DGKI: variants seen among roughly 807,000 people sequenced by gnomAD.
DGKI encodes the protein diacylglycerol kinase iota, also known as DAG kinase iota.
DGKI carries 55 observed loss-of-function variants against 147.5 expected under a neutral mutation model. The ratio of observed to expected loss-of-function variants is 0.37; its 90% CI spans 0.30 to 0.47. The LOEUF is 0.47. DGKI is among the 20% of genes least tolerant of loss of function. DGKI has a pLI of 1.00. For missense variants in DGKI, 1,007 were observed against 1,323.8 expected (o/e 0.76, Z 3.71); for synonymous variants, 469 against 477.1 (o/e 0.98, Z 0.22).
At chr7:137,741,883 T>C (rs1251833230) in intron 1 of DGKI, among the ~76,000 whole-genome samples, 1 of 152,196 alleles carries the variant, frequency 6.6e-6, no homozygotes, top group Non-Finnish European at 1.5e-5. Flanking sequence ...GGCTGCTTTC[T>C]AGTAATGAAG....
chr7:137,682,184 C>G (rs270894), intron 2 of DGKI, among the ~76,000 whole-genome samples: 75,186 of 151,926 alleles, frequency 0.49, 22,132 homozygotes, highest in African/African-American at 0.83. Context: ...TGTCAGAAGA[C>G]AGGGTAGTCT....
At chr7:137,540,400 G>A (rs1478897567) in intron 20 of DGKI, among the ~76,000 whole-genome samples, 1 of 152,160 alleles carries the variant, frequency 6.6e-6, no homozygotes, top group Non-Finnish European at 1.5e-5. Flanking sequence ...AGGAATAAAA[G>A]TATCCTTATT....
chr7:137,723,638 TGAA>T (rs1407093804), intron 1 of DGKI, among the ~76,000 whole-genome samples: 1 of 150,202 alleles, frequency 6.7e-6, no homozygotes, highest in African/African-American at 2.5e-5. Flanking sequence ...ACAGCAGTGA[TGAA>T]GAACAAGATC....
intron 1 of DGKI, among the ~76,000 whole-genome samples, chr7:137,825,023 T>C (rs954499364): frequency 8.5e-5 from 13 of 152,196 alleles, no homozygotes; most frequent in African/African-American, 3.1e-4. Context: ...TGAACATATG[T>C]ATGCATGTGT....
chr7:137,726,804 T>C (rs1471251476), intron 1 of DGKI, among the ~76,000 whole-genome samples: 10 of 152,208 alleles, frequency 6.6e-5, no homozygotes, highest in Admixed American at 2.6e-4. Context: ...CTATTGATTA[T>C]ACAGATTTGT....
At chr7:137,769,169 G>A (rs1258117443) in intron 1 of DGKI, among the ~76,000 whole-genome samples, 1 of 152,164 alleles carries the variant, frequency 6.6e-6, no homozygotes, top group Non-Finnish European at 1.5e-5. Flanking sequence ...ACACCCAAGG[G>A]AGACACGGGA....
Position 137,730,025 on chromosome 7 carries a change from C to A in DGKI, c.402-40023G>T, listed in dbSNP as rs1474226032. ...TGAGTTTGAAATGAGATACAGGGCA[C>A]AATGCAGACCAAGTTTTTCTCTATG... On this transcript the variant is annotated intron_variant, in intron 1 of 32. Transcript: ENST00000614521. Among the ~76,000 whole-genome samples the A allele has an allele frequency of 1.4e-4, 22 of 152,128 alleles. 1 individual carries two copies. Among genetic ancestry groups the A allele is most frequent in the Admixed American group, 1.4e-3 (22 of 15,272 alleles).
intron 3 of DGKI, among the ~76,000 whole-genome samples, chr7:137,656,951 T>A (rs1822248400): frequency 6.6e-6 from 1 of 152,196 alleles, no homozygotes; most frequent in African/African-American, 2.4e-5. Flanking sequence ...AAGACCAACA[T>A]CCAAACTCAG....
At position 137,382,463 on chromosome 7, in the gene DGKI, GT is replaced by G. The variant is rs1193245166; in HGVS notation, c.*8756del. On this transcript the variant is annotated 3_prime_UTR_variant, in exon 33 of 33. Coordinates refer to ENST00000614521, the MANE Select transcript of DGKI (RefSeq NM_001321708.2). The stretch of plus-strand genomic sequence containing the variant: ...GTCCTTTGGAAAGCTCCATTAAAAA[GT>G]TCTTCTATTAGCTGACCCTACTTCC... 2 of 151,996 alleles carry G rather than the reference GT, an allele frequency of 1.3e-5. No individual in the cohort carries two copies. The highest frequency in any genetic ancestry group is 4.8e-5 in the African/African-American group (2 of 41,398). 9.4% of individuals were successfully genotyped at this position (151,996 alleles called of 1,614,324 possible). A position where few individuals can be genotyped will look rare whatever the true frequency, so the allele number is the denominator to read the frequency against.
chr7:137,486,978 C>A (rs941791229), intron 22 of DGKI, among the ~76,000 whole-genome samples: 35 of 152,164 alleles, frequency 2.3e-4, no homozygotes, highest in African/African-American at 8.2e-4. Flanking sequence ...ACGGTTAAGA[C>A]TCCCCCTCAA....
intron 7 of DGKI, among the ~76,000 whole-genome samples, chr7:137,620,753 A>G (rs1180627902): frequency 6.6e-6 from 1 of 152,248 alleles, no homozygotes; most frequent in Non-Finnish European, 1.5e-5. Context: ...AGGCCAGTCA[A>G]GTTTTCAACC....
chr7:137,450,120 G>A (rs1813893233), intron 27 of DGKI, among the ~76,000 whole-genome samples: 1 of 152,168 alleles, frequency 6.6e-6, no homozygotes, highest in Non-Finnish European at 1.5e-5. Context: ...GTTACCAGAG[G>A]CTGGGGCATT....
intron 7 of DGKI, among the ~76,000 whole-genome samples, chr7:137,622,977 A>G (rs1406161519): frequency 6.6e-6 from 1 of 152,224 alleles, no homozygotes; most frequent in Non-Finnish European, 1.5e-5. Context: ...AAAAGCATAC[A>G]AGAACCACTC....
chr7:137,381,860 T>C lies in DGKI; in HGVS notation c.*9360A>G, dbSNP rs1811069058. On this transcript the variant is annotated 3_prime_UTR_variant, in exon 33 of 33. Coordinates refer to ENST00000614521, the MANE Select transcript of DGKI (RefSeq NM_001321708.2). The stretch of plus-strand genomic sequence containing the variant: ...GAGTTCTAAATCTCCTTCCCCAGGA[T>C]GGCAAGAATCCAAACTTTCCCAACT... The C allele has an allele frequency of 2.0e-5, 3 of 152,138 alleles. No individual in the cohort carries two copies. The highest frequency in any genetic ancestry group is 1.3e-4 in the Admixed American group (2 of 15,258). 9.4% of individuals were successfully genotyped at this position (152,138 alleles called of 1,614,324 possible). A position where few individuals can be genotyped will look rare whatever the true frequency, so the allele number is the denominator to read the frequency against.
chr7:137,543,322 C>T (rs1018746607), intron 20 of DGKI, among the ~76,000 whole-genome samples: 1 of 151,974 alleles, frequency 6.6e-6, no homozygotes, highest in African/African-American at 2.4e-5. Flanking sequence ...TTTGTTTTGT[C>T]CTATTGGATG....
chr7:137,457,716 G>A (rs1814260630), intron 27 of DGKI, among the ~76,000 whole-genome samples: 1 of 152,126 alleles, frequency 6.6e-6, no homozygotes, highest in Non-Finnish European at 1.5e-5. Context: ...AGCATATGGA[G>A]AGGTTGAACT....
rs368242618 is a variant in DGKI at position 137,623,057 on chromosome 7, G to A, written c.876+426C>T. Among the ~76,000 whole-genome samples, 29 of 152,290 alleles carry A rather than the reference G, an allele frequency of 1.9e-4. 1 individual carries two copies. The South Asian group carries it at 5.2e-3, about 27-fold the overall frequency. ...TAAACATTAAAACCAGAAGAGCCAG[G>A]ATTCCTGTCCACCTGTGTTGGAGGG... On this transcript the variant is annotated intron_variant, in intron 7 of 32. Transcript: ENST00000614521.
chr7:137,754,213 T>C (rs1297133623), intron 1 of DGKI, among the ~76,000 whole-genome samples: 1 of 152,120 alleles, frequency 6.6e-6, no homozygotes, highest in Non-Finnish European at 1.5e-5. Flanking sequence ...CCCCGGTGGC[T>C]GCTTCACTCC....
At position 137,588,475 on chromosome 7, in the gene DGKI, C is replaced by CTTTTT. The variant is rs71533759; in HGVS notation, c.1312-1270_1312-1266dup. ...TAACACAAAGATGGACATACCGATGCTTTTTTTTTTTTTTTTTTTGAGATG... is the reference window on the plus strand; with the variant it reads ...TAACACAAAGATGGACATACCGATGCTTTTTTTTTTTTTTTTTTTTTTTTGAGATG... On this transcript the variant is annotated intron_variant, in intron 12 of 32. Transcript: ENST00000614521. 8.6e-5 allele frequency among the ~76,000 whole-genome samples: 10 copies of CTTTTT among 116,718 alleles called. 1 individual carries two copies. Among genetic ancestry groups the CTTTTT allele is most frequent in the African/African-American group, 1.8e-4 (5 of 27,442 alleles). The allele number at this position is 116,718 out of a possible 152,430, so 76.6% of individuals were successfully genotyped here.
Sources: gnomAD v4.1 joint callset for allele counts (sites outside exome capture counted in the v4.1 genomes callset) on GRCh38, gnomAD v4.1.1 for gene constraint, MANE v1.5 for transcripts, NCBI Gene and HGNC (gene_info 2026-07-23, HGNC 2026-07-21) for gene names.